Variants in FAM13A observed in about 807,000 individuals in gnomAD.
The protein encoded by FAM13A is family with sequence similarity 13 member A.
FAM13A carries 76 observed loss-of-function variants against 129.6 expected under a neutral mutation model. That is an observed-to-expected ratio of 0.59 (90% CI 0.49 to 0.71). The LOEUF (loss-of-function observed/expected upper bound fraction) is 0.71. FAM13A is among the 30% of genes least tolerant of loss of function. The pLI, the probability that FAM13A is intolerant of heterozygous loss-of-function variation, is 0.00. For synonymous variants in FAM13A, 443 were observed against 449.9 expected (o/e 0.98, Z 0.20); for missense variants, 1,108 against 1,249.3 (o/e 0.89, Z 1.70).
intron 3 of FAM13A, among the ~76,000 whole-genome samples, chr4:89,004,080 C>A (rs948356183): frequency 1.3e-5 from 2 of 152,086 alleles, no homozygotes; most frequent in African/African-American, 4.8e-5. Flanking sequence ...ACCTTGGCAT[C>A]GCAAAATGCT....
intron 1 of FAM13A, among the ~76,000 whole-genome samples, chr4:89,054,855 A>G (rs72665898): frequency 0.14 from 21,743 of 152,084 alleles, 1,726 homozygotes; most frequent in Non-Finnish European, 0.18. Flanking sequence ...CCACCTCACC[A>G]TAGCTCAGGG....
chr4:88,943,285 T>A (rs528227482), intron 4 of FAM13A, among the ~76,000 whole-genome samples: 5 of 152,298 alleles, frequency 3.3e-5, no homozygotes, highest in African/African-American at 1.2e-4. Context: ...ATTAAATCAA[T>A]TAGGCTTATC....
At chr4:88,850,167 G>A (rs1220124220) in intron 7 of FAM13A, among the ~76,000 whole-genome samples, 1 of 151,994 alleles carries the variant, frequency 6.6e-6, no homozygotes, top group Non-Finnish European at 1.5e-5. Flanking sequence ...TTATTAAAAT[G>A]AAAATTATAT....
chr4:88,860,558 T>C (rs1040219467), intron 6 of FAM13A, among the ~76,000 whole-genome samples: 16 of 152,302 alleles, frequency 1.1e-4, no homozygotes, highest in African/African-American at 3.6e-4. Flanking sequence ...AGTGAAGGGA[T>C]GTTGCATTGA....
At chr4:88,883,989 A>C (rs1302430703) in intron 6 of FAM13A, among the ~76,000 whole-genome samples, 3 of 152,136 alleles carry the variant, frequency 2.0e-5, no homozygotes, top group Non-Finnish European at 4.4e-5. Flanking sequence ...GCACAGATGA[A>C]TAACAAGCAG....
chr4:88,729,232 C>A (rs1360841021), intron 23 of FAM13A: 2 of 152,744 alleles, frequency 1.3e-5, no homozygotes, highest in African/African-American at 2.4e-5. Flanking sequence ...GCTTATAGGT[C>A]AAGCCCTGTG....
intron 6 of FAM13A, among the ~76,000 whole-genome samples, chr4:88,884,427 A>G (rs956289865): frequency 6.6e-6 from 1 of 152,192 alleles, no homozygotes; most frequent in Admixed American, 6.5e-5. Flanking sequence ...AGAGGCACAA[A>G]AAGTATTTGA....
chr4:88,955,936 C>A (rs1757689024), intron 4 of FAM13A, among the ~76,000 whole-genome samples: 1 of 151,844 alleles, frequency 6.6e-6, no homozygotes, highest in Admixed American at 6.6e-5. Context: ...AAGCAGGCTG[C>A]ACAACTTTGC....
chr4:88,876,921 A>T (rs1289033041), intron 6 of FAM13A, among the ~76,000 whole-genome samples: 1 of 152,220 alleles, frequency 6.6e-6, no homozygotes, highest in Non-Finnish European at 1.5e-5. Flanking sequence ...AATCACTGCC[A>T]ATATTTTTAA....
intron 14 of FAM13A, among the ~76,000 whole-genome samples, chr4:88,751,124 C>T (rs577041475): frequency 9.1e-4 from 138 of 152,300 alleles, no homozygotes; most frequent in Admixed American, 2.7e-3. Context: ...TGCCTGTAAT[C>T]CCAGCTACTG....
intron 3 of FAM13A, among the ~76,000 whole-genome samples, chr4:88,994,922 T>C (rs1360054749): frequency 6.6e-6 from 1 of 152,218 alleles, no homozygotes; most frequent in African/African-American, 2.4e-5. Context: ...AAACACTGCC[T>C]TATACATTCA....
At chr4:88,752,264 A>G (rs570621717) in intron 14 of FAM13A, among the ~76,000 whole-genome samples, 1 of 152,320 alleles carries the variant, frequency 6.6e-6, no homozygotes, top group South Asian at 2.1e-4. Context: ...ACAGATAAGG[A>G]AACTGAAACC....
At chr4:88,844,181 T>C (rs17014670) in intron 7 of FAM13A, among the ~76,000 whole-genome samples, 2 of 152,142 alleles carry the variant, frequency 1.3e-5, no homozygotes, top group Admixed American at 6.5e-5. Flanking sequence ...AAAGAGACCT[T>C]AGACACAGTC....
intron 7 of FAM13A, among the ~76,000 whole-genome samples, chr4:88,841,760 G>T (rs1296205711): frequency 6.6e-6 from 1 of 152,226 alleles, no homozygotes; most frequent in East Asian, 1.9e-4. Flanking sequence ...AAAACAGATG[G>T]TAACAATTGT....
In FAM13A at chr4:88,861,884, G is replaced by C. The variant is rs1433145341; in HGVS notation, c.844-10701C>G. On this transcript the variant is annotated intron_variant, in intron 6 of 23. Transcript: ENST00000264344. ...TTTCCATTTTAAAGGTGGTAGAACA[G>C]AGATACAGAAAATTTAAGGAGCCTG... Among the ~76,000 whole-genome samples, 3 of 152,206 alleles carry C rather than the reference G, an allele frequency of 2.0e-5. No individual in the cohort carries two copies. The East Asian group carries it at 5.8e-4, about 29-fold the overall frequency.
At chr4:88,876,790 AC>A (rs1742589692) in intron 6 of FAM13A, among the ~76,000 whole-genome samples, 1 of 152,026 alleles carries the variant, frequency 6.6e-6, no homozygotes, top group Non-Finnish European at 1.5e-5. Flanking sequence ...ATGGGGTTTC[AC>A]CATGTTAGCC....
chr4:88,881,709 A>G (rs111619670), intron 6 of FAM13A, among the ~76,000 whole-genome samples: 11 of 152,310 alleles, frequency 7.2e-5, no homozygotes, highest in African/African-American at 2.6e-4. Context: ...GTGAAGTCTA[A>G]CTTAATGAAA....
At chr4:88,922,000 A>T (rs1751183628) in intron 5 of FAM13A, among the ~76,000 whole-genome samples, 1 of 151,958 alleles carries the variant, frequency 6.6e-6, no homozygotes, top group South Asian at 2.1e-4. Flanking sequence ...AGAAGAGCTA[A>T]CTATCCTAAA....
chr4:88,868,289 G>C (rs1357963431), intron 6 of FAM13A, among the ~76,000 whole-genome samples: 2 of 152,142 alleles, frequency 1.3e-5, no homozygotes, highest in Non-Finnish European at 2.9e-5. Flanking sequence ...CCTCTTCCCA[G>C]TCATCGAGTA....
Sources: allele counts gnomAD v4.1 joint callset (sites outside exome capture counted in the v4.1 genomes callset), GRCh38; gene constraint gnomAD v4.1.1; transcripts MANE v1.5; gene names NCBI Gene and HGNC (gene_info 2026-07-23, HGNC 2026-07-21).